The following ANKRA2 variants were observed in gnomAD, a reference collection of about 807,000 sequenced individuals.
ANKRA2 encodes the protein ankyrin repeat family A member 2.
Under a neutral mutation model 37.8 loss-of-function variants are expected in ANKRA2, and 33 were observed. The ratio of observed to expected loss-of-function variants is 0.87; its 90% confidence interval spans 0.66 to 1.17. The LOEUF (loss-of-function observed/expected upper bound fraction) is 1.17, where lower values mean the gene tolerates loss of function less well. Ranked by LOEUF, ANKRA2 falls within the 50% of genes most tolerant of loss-of-function variation. ANKRA2 has a pLI of 0.00. For synonymous variants in ANKRA2, 126 were observed against 132.3 expected, an observed-to-expected ratio of 0.95 and a Z score of 0.33; for missense variants, 326 against 373.7, an observed-to-expected ratio of 0.87 and a Z score of 1.05.
chr5:73,553,423 G>C lies in ANKRA2; in HGVS notation c.869C>G (p.Ala290Gly), dbSNP rs770675559. 1 of 1,612,978 alleles carries C rather than the reference G, an allele frequency of 6.2e-7. No individual in the cohort carries two copies. Among genetic ancestry groups the C allele is most frequent in the Non-Finnish European group, 8.5e-7 (1 of 1,179,414 alleles). ...ATACTTACCACTTCTATAGCCTAGG[G>C]CTACAGCTAGATCCATAGAATTATA... ...SGYNSMDLAVALGYRSVQQVI... is the reference protein window; with the variant it reads ...SGYNSMDLAVGLGYRSVQQVI... Residue 290 changes from alanine (A) to glycine (G), a missense_variant, in exon 8 of 9, where the codon GCC (alanine) becomes GGC (glycine). By Grantham distance (60) the Ala-to-Gly change is moderately conservative (BLOSUM62 0). Coordinates refer to ENST00000296785, the MANE Select transcript of ANKRA2 (RefSeq NM_023039.5).
Position 73,552,290 on chromosome 5 carries a change from G to T in ANKRA2, c.*507C>A, listed in dbSNP as rs78812208. ...GAAGGGTGAAATTAAAAATCTGAAAGAAATCTTTAATAATCTTATATACTT... is the reference window on the plus strand; with the variant it reads ...GAAGGGTGAAATTAAAAATCTGAAATAAATCTTTAATAATCTTATATACTT... On this transcript the variant is annotated 3_prime_UTR_variant, in exon 9 of 9. Coordinates refer to ENST00000296785, the MANE Select transcript of ANKRA2 (RefSeq NM_023039.5). The T allele has an allele frequency of 0.02, 3,023 of 152,762 alleles. 44 individuals carry two copies. The highest frequency in any genetic ancestry group is 0.037 in the Middle Eastern group (11 of 294). 9.5% of individuals were successfully genotyped at this position (152,762 alleles called of 1,614,324 possible).
intron 1 of ANKRA2, among the ~76,000 whole-genome samples, chr5:73,563,948 T>C (rs1033301646): frequency 6.6e-5 from 10 of 152,176 alleles, no homozygotes; most frequent in African/African-American, 2.4e-4. Flanking sequence ...GCAGGTCAGG[T>C]AATCATATGT....
In ANKRA2 at chr5:73,562,836, C is replaced by T. The variant is rs1173016795; in HGVS notation, c.46G>A (p.Glu16Lys). The T allele has an allele frequency of 5.0e-6, 8 of 1,613,226 alleles. No individual in the cohort carries two copies. The highest frequency in any genetic ancestry group is 3.3e-5 in the Admixed American group (2 of 59,958). ...NLDIGAQLIV[E>K]ECPSTYSLTG... ...AGGCTATAAGTGCTGGGACACTCTTCCACGATAAGCTGGGCTCCAATATCC... is the reference window on the plus strand; with the variant it reads ...AGGCTATAAGTGCTGGGACACTCTTTCACGATAAGCTGGGCTCCAATATCC... The change falls in exon 2 of 9, where the codon GAA becomes AAA. Residue 16 changes from glutamate to lysine, a missense_variant. Physicochemically the swap from Glu to Lys is moderately conservative, Grantham distance 56 (BLOSUM62 1). Transcript: ENST00000296785.
At chr5:73,563,633 T>A (rs150298144) in intron 1 of ANKRA2, among the ~76,000 whole-genome samples, 6 of 152,326 alleles carry the variant, frequency 3.9e-5, no homozygotes, top group Non-Finnish European at 8.8e-5. Context: ...TAGGTTTTCA[T>A]GAAAAATAAA....
intron 4 of ANKRA2, chr5:73,557,355 C>T (rs994542750): frequency 1.6e-5 from 5 of 321,274 alleles, no homozygotes; most frequent in Middle Eastern, 9.0e-4. Flanking sequence ...AAACTTATAA[C>T]GTTTGCTTTT....
chr5:73,560,604 T>G (rs761276088), intron 3 of ANKRA2, among the ~76,000 whole-genome samples: 1 of 152,174 alleles, frequency 6.6e-6, no homozygotes, highest in Non-Finnish European at 1.5e-5. Flanking sequence ...CTGGCCAGTC[T>G]CGAATTCCTG....
Position 73,552,845 on chromosome 5 carries a change from CT to C in ANKRA2, c.893del (p.Gln298ArgfsTer8). 1 of 1,603,482 alleles carries C rather than the reference CT, an allele frequency of 6.2e-7. No homozygotes were observed. The highest frequency in any genetic ancestry group is 8.5e-7 in the Non-Finnish European group (1 of 1,171,426). ...GCTTCAACAAATGTGACTCAATAAC[CT>C]GTTGAACTAGAACAGATAGGTAATC... The part of the protein sequence containing the change: ...AVALGYRSVQ[Q>X]VIESHLLKLL... On this transcript the variant is annotated frameshift_variant, in exon 9 of 9. Coordinates refer to ENST00000296785, the MANE Select transcript of ANKRA2 (RefSeq NM_023039.5). LOFTEE classifies it high-confidence loss of function.
chr5:73,563,397 T>C (rs1029110707), intron 1 of ANKRA2, among the ~76,000 whole-genome samples: 1 of 152,236 alleles, frequency 6.6e-6, no homozygotes, highest in African/African-American at 2.4e-5. Flanking sequence ...GAAAATAAAC[T>C]TTAATCTCTT....
chr5:73,563,386 T>C (rs1747607517), intron 1 of ANKRA2, among the ~76,000 whole-genome samples: 1 of 152,234 alleles, frequency 6.6e-6, no homozygotes, highest in Admixed American at 6.5e-5. Context: ...AGGCTAACAA[T>C]GAAAATAAAC....
intron 2 of ANKRA2, among the ~76,000 whole-genome samples, chr5:73,561,892 G>A (rs1747566136): frequency 6.6e-6 from 1 of 152,092 alleles, no homozygotes; most frequent in African/African-American, 2.4e-5. Context: ...CAAATCTAGA[G>A]CATGATGACA....
intron 4 of ANKRA2, 138 bp downstream of exon 4, chr5:73,557,437 A>G: frequency 4.1e-6 from 1 of 242,624 alleles, no homozygotes; most frequent in Non-Finnish European, 7.2e-6. Context: ...TTTTTTTACT[A>G]TCCATTGGGT....
Position 73,557,652 on chromosome 5 carries a change from T to C in ANKRA2, c.449-12A>G. 1 of 1,599,778 alleles carries C rather than the reference T, an allele frequency of 6.3e-7. No homozygotes were observed. Among genetic ancestry groups the C allele is most frequent in the Non-Finnish European group, 8.6e-7 (1 of 1,168,224 alleles). ...GTGAACAGACAAAGCTGAAAGAGTATCATAAAATGCTTCATGAATTATCTA... is the reference window on the plus strand; with the variant it reads ...GTGAACAGACAAAGCTGAAAGAGTACCATAAAATGCTTCATGAATTATCTA... On this transcript the variant is annotated splice_polypyrimidine_tract_variant and intron_variant, in intron 3 of 8. Coordinates refer to ENST00000296785, the MANE Select transcript of ANKRA2 (RefSeq NM_023039.5).
intron 3 of ANKRA2, among the ~76,000 whole-genome samples, chr5:73,560,016 A>G (rs186885466): frequency 9.2e-5 from 14 of 152,272 alleles, no homozygotes; most frequent in Non-Finnish European, 1.5e-4. Context: ...CTCCTACCTC[A>G]GCATCCCAAA....
In ANKRA2 at chr5:73,562,690, C is replaced by G; in HGVS notation, c.192G>C (p.Val64=). 1 of 1,614,194 alleles carries G rather than the reference C, an allele frequency of 6.2e-7. No homozygotes were observed. The highest frequency in any genetic ancestry group is 8.5e-7 in the Non-Finnish European group (1 of 1,180,014). ...TTAAGGACTTCACAAATCGAGAACA[C>G]ACATTCATATCAAATCGGTTAGGCA... ...FILPNRFDMN[V]CSRFVKSLNE... The change falls in exon 2 of 9, where the codon GTG becomes GTC. Residue 64 remains valine, a synonymous_variant. Transcript: ENST00000296785.
In ANKRA2 at chr5:73,561,168, CTG is replaced by C. The variant is rs1208810870; in HGVS notation, c.408_409del (p.His136GlnfsTer4). 1.9e-6 allele frequency: 3 copies of C among 1,613,774 alleles called. No homozygotes were observed. The highest frequency in any genetic ancestry group is 2.5e-6 in the Non-Finnish European group (3 of 1,179,952). On this transcript the variant is annotated frameshift_variant, in exon 3 of 9. Transcript: ENST00000296785. LOFTEE classifies it high-confidence loss of function. ...AGGTGTGGTAGAGACCTCATTTCCT[CTG>C]TGTTTGTTGGTTAAAGTGGTTGACT...
At chr5:73,556,827 GAA>G (rs1200965385) in intron 4 of ANKRA2, among the ~76,000 whole-genome samples, 2 of 151,834 alleles carry the variant, frequency 1.3e-5, no homozygotes, top group African/African-American at 4.8e-5. Flanking sequence ...AAATGTAAAT[GAA>G]ACTACTCTGA....
chr5:73,556,892 T>C (rs966994778), intron 4 of ANKRA2, among the ~76,000 whole-genome samples: 1 of 151,666 alleles, frequency 6.6e-6, no homozygotes, highest in African/African-American at 2.4e-5. Flanking sequence ...GCTAATATCC[T>C]GTATCAGTGA....
At position 73,564,160 on chromosome 5, in the gene ANKRA2, A is replaced by C. The variant is rs201992899; in HGVS notation, c.-105+972T>G. ...AGAAGGTTAATACATTTGGGCAAAAAGAAGGAAACCAGAAAAGAAAATTAG... is the reference window on the plus strand; with the variant it reads ...AGAAGGTTAATACATTTGGGCAAAACGAAGGAAACCAGAAAAGAAAATTAG... On this transcript the variant is annotated intron_variant, in intron 1 of 8. Coordinates refer to ENST00000296785, the MANE Select transcript of ANKRA2 (RefSeq NM_023039.5). Among the ~76,000 whole-genome samples the C allele has an allele frequency of 4.6e-5, 7 of 152,188 alleles. No homozygotes were observed. In the East Asian group the frequency reaches 1.3e-3, roughly 29 times the overall value.
At chr5:73,555,146 T>G in intron 5 of ANKRA2, 160 bp from the exon 6 acceptor site, 1 of 1,428,134 alleles carries the variant, frequency 7.0e-7, no homozygotes, top group Admixed American at 3.0e-5. Flanking sequence ...TTTATTGAGA[T>G]TGCCTGGATG....
Sources: gnomAD v4.1 joint callset for allele counts (sites outside exome capture counted in the v4.1 genomes callset) on GRCh38, gnomAD v4.1.1 for gene constraint, MANE v1.5 for transcripts, NCBI Gene and HGNC (gene_info 2026-07-23, HGNC 2026-07-21) for gene names.